Variants in DYM observed in about 807,000 individuals in gnomAD.
The protein encoded by DYM is dyggve-Melchior-Clausen syndrome protein.
Under a neutral mutation model 93.1 loss-of-function variants are expected in DYM, and 78 were observed. The observed-to-expected ratio is 0.84, with a 90% CI of 0.70 to 1.01. The LOEUF is 1.01. Among genes scored for constraint, DYM ranks in the 50% least tolerant of loss-of-function variants. The pLI is 0.00. For missense variants in DYM, 789 were observed against 845.0 expected, an observed-to-expected ratio of 0.93 and a Z score of 0.82; for synonymous variants, 321 against 319.7, an observed-to-expected ratio of 1.00 and a Z score of -0.04.
intron 15 of DYM, among the ~76,000 whole-genome samples, chr18:49,160,576 CAAAA>C (rs34811276): frequency 7.4e-6 from 1 of 135,614 alleles, no homozygotes; most frequent in African/African-American, 2.7e-5. Flanking sequence ...GACTCTGTCT[CAAAA>C]AAAAAAAAAA....
intron 1 of DYM, among the ~76,000 whole-genome samples, chr18:49,434,411 T>C (rs979831779): frequency 1.3e-5 from 2 of 151,178 alleles, no homozygotes; most frequent in African/African-American, 2.4e-5. Context: ...TCCCAGCTAC[T>C]TGGGAGGCTG....
At chr18:49,394,708 T>A (rs1340155800) in intron 2 of DYM, among the ~76,000 whole-genome samples, 1 of 152,206 alleles carries the variant, frequency 6.6e-6, no homozygotes, top group Admixed American at 6.5e-5. Flanking sequence ...ATTTTTTTCA[T>A]CAATATCTTA....
intron 14 of DYM, among the ~76,000 whole-genome samples, chr18:49,188,418 T>C (rs896441919): frequency 6.6e-6 from 1 of 152,034 alleles, no homozygotes; most frequent in Non-Finnish European, 1.5e-5. Flanking sequence ...ACACAGACAA[T>C]GGAAAAGGAA....
chr18:49,136,117 T>A (rs1407580409), intron 15 of DYM, among the ~76,000 whole-genome samples: 1 of 152,252 alleles, frequency 6.6e-6, no homozygotes, highest in Non-Finnish European at 1.5e-5. Flanking sequence ...AAACTCCCTG[T>A]GGCCCAGCCA....
chr18:49,350,969 T>A (rs1331158166), intron 6 of DYM, among the ~76,000 whole-genome samples: 1 of 152,088 alleles, frequency 6.6e-6, no homozygotes, highest in South Asian at 2.1e-4. Context: ...AGAATTTTTT[T>A]AAAAGATGTA....
intron 1 of DYM, among the ~76,000 whole-genome samples, chr18:49,460,070 A>G (rs904966161): frequency 2.6e-5 from 4 of 152,240 alleles, no homozygotes; most frequent in Non-Finnish European, 5.9e-5. Context: ...TGTAAAAAGA[A>G]GAAAGAAAAA....
chr18:49,439,628 T>G (rs994574557), intron 1 of DYM, among the ~76,000 whole-genome samples: 3 of 152,196 alleles, frequency 2.0e-5, no homozygotes, highest in African/African-American at 7.2e-5. Context: ...GAAAAGATCT[T>G]CAGACTAAAT....
chr18:49,206,738 T>C (rs1221556472), intron 14 of DYM, among the ~76,000 whole-genome samples: 4 of 152,168 alleles, frequency 2.6e-5, no homozygotes, highest in Non-Finnish European at 5.9e-5. Flanking sequence ...ATATTAACAC[T>C]GTATTTCTTC....
rs918328003 is a variant in DYM at position 49,216,916 on chromosome 18, C to A, written c.1461-7201G>T. Among the ~76,000 whole-genome samples, 10 of 152,306 alleles carry A rather than the reference C, an allele frequency of 6.6e-5. No homozygotes were observed. In the South Asian group the frequency reaches 2.1e-3, roughly 32 times the overall value. ...AAAGCTGGACGGAGAATGACTTTGA[C>A]GAGTGGAGAGAAGAAGACTTCAGAC... is the stretch of plus-strand genomic sequence containing the variant. On this transcript the variant is annotated intron_variant, in intron 13 of 17. Coordinates refer to ENST00000675505, the MANE Select transcript of DYM (RefSeq NM_001353214.3).
At chr18:49,157,697 C>A (rs1322179013) in intron 15 of DYM, among the ~76,000 whole-genome samples, 1 of 152,180 alleles carries the variant, frequency 6.6e-6, no homozygotes, top group Non-Finnish European at 1.5e-5. Context: ...CAAATATCCT[C>A]TCCCATTCTG....
intron 11 of DYM, among the ~76,000 whole-genome samples, chr18:49,271,173 A>T (rs934432537): frequency 6.6e-6 from 1 of 152,140 alleles, no homozygotes; most frequent in African/African-American, 2.4e-5. Context: ...TTTTGAGCAA[A>T]TTTTCAGTTC....
At chr18:49,147,793 C>G (rs1192765857) in intron 15 of DYM, among the ~76,000 whole-genome samples, 1 of 152,146 alleles carries the variant, frequency 6.6e-6, no homozygotes, top group Admixed American at 6.5e-5. Context: ...GGCGATTCCT[C>G]AGGGATCTAG....
At chr18:49,060,653 GA>G (rs1466235839) in intron 17 of DYM, among the ~76,000 whole-genome samples, 1 of 93,412 alleles carries the variant, frequency 1.1e-5, no homozygotes, top group Non-Finnish European at 2.3e-5. Context: ...GAGAGGGGGA[GA>G]GGGGGAGAGG....
At chr18:49,424,503 C>G (rs1389116516) in intron 2 of DYM, among the ~76,000 whole-genome samples, 1 of 151,982 alleles carries the variant, frequency 6.6e-6, no homozygotes, top group Non-Finnish European at 1.5e-5. Context: ...GGGATGCCTT[C>G]TCTCACCACT....
At chr18:49,450,532 T>C (rs1206475709) in intron 1 of DYM, among the ~76,000 whole-genome samples, 1 of 152,184 alleles carries the variant, frequency 6.6e-6, no homozygotes, top group African/African-American at 2.4e-5. Flanking sequence ...TTAAAAGGCA[T>C]CCCAAAATCA....
intron 13 of DYM, among the ~76,000 whole-genome samples, chr18:49,252,622 TAA>T (rs1301902891): frequency 6.6e-6 from 1 of 152,030 alleles, no homozygotes; most frequent in East Asian, 1.9e-4. Flanking sequence ...TGACAGTAGA[TAA>T]AGTCATAGAC....
At chr18:49,451,710 A>C (rs1288843176) in intron 1 of DYM, among the ~76,000 whole-genome samples, 1 of 152,276 alleles carries the variant, frequency 6.6e-6, no homozygotes, top group Admixed American at 6.5e-5. Context: ...ATATAAGACT[A>C]AGGTTTATTC....
At chr18:49,458,109 A>G (rs2083158780) in intron 1 of DYM, among the ~76,000 whole-genome samples, 1 of 152,256 alleles carries the variant, frequency 6.6e-6, no homozygotes, top group Non-Finnish European at 1.5e-5. Context: ...TGTTACAGCA[A>G]TCATAGAAAA....
chr18:49,051,956 C>T (rs889701058), intron 17 of DYM, among the ~76,000 whole-genome samples: 2 of 152,268 alleles, frequency 1.3e-5, no homozygotes, highest in African/African-American at 2.4e-5. Flanking sequence ...CGAACCATAG[C>T]GCCAGCTCCT....
Sources: allele counts gnomAD v4.1 joint callset (sites outside exome capture counted in the v4.1 genomes callset), GRCh38; gene constraint gnomAD v4.1.1; transcripts MANE v1.5; gene names NCBI Gene and HGNC (gene_info 2026-07-23, HGNC 2026-07-21).